ROBO1: variants seen among roughly 807,000 people sequenced by gnomAD.
The protein encoded by ROBO1 is roundabout guidance receptor 1, also known as roundabout homolog 1.
In ROBO1, 149 loss-of-function variants were observed where a neutral mutation model predicts 195.9. The ratio of observed to expected loss-of-function variants is 0.76; its 90% CI spans 0.67 to 0.87. The LOEUF (loss-of-function observed/expected upper bound fraction) is 0.87, where lower values mean the gene tolerates loss of function less well. Ranked by LOEUF, ROBO1 falls within the 40% of genes least tolerant of loss-of-function variation. The pLI, the probability that ROBO1 is intolerant of heterozygous loss-of-function variation, is 0.00. For synonymous variants in ROBO1, 816 were observed against 733.2 expected (o/e 1.11, Z -1.82); for missense variants, 1,933 against 2,068.3 (o/e 0.93, Z 1.27).
chr3:78,684,560 A>G (rs913573059), intron 10 of ROBO1, among the ~76,000 whole-genome samples: 18 of 152,146 alleles, frequency 1.2e-4, no homozygotes, highest in African/African-American at 4.3e-4. Flanking sequence ...TGGTCTAGAG[A>G]AACAGTATTC....
At chr3:78,820,663 G>A (rs2030802774) in intron 4 of ROBO1, among the ~76,000 whole-genome samples, 2 of 152,208 alleles carry the variant, frequency 1.3e-5, no homozygotes, top group African/African-American at 2.4e-5. Flanking sequence ...CCATTCAGCT[G>A]TGGCTAGATC....
chr3:78,652,606 C>T (rs1397087647), intron 18 of ROBO1, among the ~76,000 whole-genome samples: 1 of 151,920 alleles, frequency 6.6e-6, no homozygotes, highest in East Asian at 1.9e-4. Context: ...ATAATGTTAC[C>T]ATTGAAAGAG....
chr3:78,706,630 T>C (rs971618868), intron 8 of ROBO1, among the ~76,000 whole-genome samples: 2 of 152,076 alleles, frequency 1.3e-5, no homozygotes, highest in Non-Finnish European at 2.9e-5. Flanking sequence ...GCGTGAACCA[T>C]GACGCCCAGC....
chr3:79,727,128 G>A (rs1702957678), intron 1 of ROBO1, among the ~76,000 whole-genome samples: 1 of 152,160 alleles, frequency 6.6e-6, no homozygotes, highest in Non-Finnish European at 1.5e-5. Flanking sequence ...GCAAGGATGG[G>A]AAGAACTCAG....
At chr3:78,623,826 G>A (rs77551510) in intron 26 of ROBO1, among the ~76,000 whole-genome samples, 29 of 152,054 alleles carry the variant, frequency 1.9e-4, no homozygotes, top group Non-Finnish European at 3.7e-4. Context: ...TATATGGGTC[G>A]GAAGCTCCAG....
chr3:78,742,638 A>G (rs1401342225), intron 5 of ROBO1, among the ~76,000 whole-genome samples: 1 of 152,166 alleles, frequency 6.6e-6, no homozygotes, highest in Non-Finnish European at 1.5e-5. Flanking sequence ...AAACACACAG[A>G]TGGTCTTAGA....
chr3:78,939,166 T>C (rs557489171), intron 3 of ROBO1, among the ~76,000 whole-genome samples: 42 of 152,278 alleles, frequency 2.8e-4, no homozygotes, highest in Non-Finnish European at 4.6e-4. Context: ...GCAAATCCTG[T>C]CCTCAAATCC....
intron 8 of ROBO1, among the ~76,000 whole-genome samples, chr3:78,708,371 A>G (rs2081602297): frequency 1.3e-5 from 2 of 152,170 alleles, no homozygotes; most frequent in Admixed American, 1.3e-4. Context: ...TTTGTTATTC[A>G]TAATTGAGTA....
Position 78,651,908 on chromosome 3 carries a change from G to GACC in ROBO1, c.2635_2636insGGT (p.Val878_Ser879insTrp), listed in dbSNP as rs1180037243. 1.2e-6 allele frequency: 2 copies of GACC among 1,612,648 alleles called. No homozygotes were observed. Among genetic ancestry groups the GACC allele is most frequent in the Non-Finnish European group, 1.7e-6 (2 of 1,179,294 alleles). ...AGCGAGGCTGACTTGGTCCTCAGGT[G>GACC]ACACAGGGTTTCCATGGGCATCTGA... On this transcript the variant is annotated inframe_insertion, in exon 19 of 31. Coordinates refer to ENST00000464233, the MANE Select transcript of ROBO1 (RefSeq NM_002941.4).
chr3:78,688,469 A>C (rs542842297), intron 9 of ROBO1, among the ~76,000 whole-genome samples, 179 bp downstream of exon 9: 52 of 152,340 alleles, frequency 3.4e-4, no homozygotes, highest in African/African-American at 1.3e-3. Context: ...TTCAGAATTC[A>C]AGCGGTGAAG....
chr3:79,688,134 C>A (rs1947185989), intron 1 of ROBO1, among the ~76,000 whole-genome samples: 1 of 149,094 alleles, frequency 6.7e-6, no homozygotes. Context: ...AAACCAAACA[C>A]CGCATGTTCT....
At chr3:78,845,689 C>T (rs2033615692) in intron 4 of ROBO1, among the ~76,000 whole-genome samples, 1 of 151,892 alleles carries the variant, frequency 6.6e-6, no homozygotes, top group African/African-American at 2.4e-5. Flanking sequence ...TCACTAGAAG[C>T]TAAGCCTAAT....
intron 2 of ROBO1, among the ~76,000 whole-genome samples, chr3:79,283,372 T>A (rs2109007507): frequency 6.6e-6 from 1 of 152,290 alleles, no homozygotes; most frequent in Middle Eastern, 3.4e-3. Context: ...GAATCTAAAA[T>A]AAAAGTGGAA....
intron 2 of ROBO1, among the ~76,000 whole-genome samples, chr3:79,411,139 C>A (rs1229674749): frequency 2.6e-5 from 4 of 152,076 alleles, no homozygotes; most frequent in African/African-American, 9.7e-5. Context: ...TTTTAAAGTT[C>A]TAAGCTTTAC....
intron 22 of ROBO1, 24 bp from the exon 23 acceptor site, chr3:78,636,132 G>A (rs1559676867): frequency 7.9e-6 from 12 of 1,519,436 alleles, no homozygotes; most frequent in Admixed American, 7.8e-5. Context: ...AGAGGAAAAG[G>A]AAAAAATCAT....
intron 3 of ROBO1, among the ~76,000 whole-genome samples, chr3:79,044,792 TA>T (rs1450742030): frequency 3.3e-5 from 5 of 151,862 alleles, no homozygotes; most frequent in African/African-American, 4.8e-5. Flanking sequence ...TTTCTTTTTT[TA>T]AAAAAAAATT....
chr3:78,992,124 A>G (rs192173477), intron 3 of ROBO1, among the ~76,000 whole-genome samples: 262 of 152,344 alleles, frequency 1.7e-3, no homozygotes, highest in Non-Finnish European at 2.1e-3. Flanking sequence ...ATTTCTACTA[A>G]TAAGTGTAAG....
intron 2 of ROBO1, among the ~76,000 whole-genome samples, chr3:79,462,244 T>C (rs4680963): frequency 0.98 from 149,762 of 152,274 alleles, 73,661 homozygotes; most frequent in East Asian, 1. Context: ...GGTTAAAGTA[T>C]CACAGGCAAG....
intron 4 of ROBO1, among the ~76,000 whole-genome samples, chr3:78,807,182 T>C (rs1298551212): frequency 6.6e-6 from 1 of 152,136 alleles, no homozygotes; most frequent in East Asian, 1.9e-4. Flanking sequence ...AAAGGAGGAA[T>C]GTACAAGGAG....
Sources: gnomAD v4.1 joint callset for allele counts (sites outside exome capture counted in the v4.1 genomes callset) on GRCh38, gnomAD v4.1.1 for gene constraint, MANE v1.5 for transcripts, NCBI Gene and HGNC (gene_info 2026-07-23, HGNC 2026-07-21) for gene names.